The following POU6F2 variants were observed in gnomAD, a reference collection of about 807,000 sequenced individuals.
POU6F2 encodes the protein POU domain, class 6, transcription factor 2.
Under a neutral mutation model 71.3 loss-of-function variants are expected in POU6F2, and 31 were observed. The observed-to-expected ratio is 0.43, with a 90% CI of 0.33 to 0.59. The LOEUF (loss-of-function observed/expected upper bound fraction) is 0.59. Ranked by LOEUF, POU6F2 falls within the 20% of genes least tolerant of loss-of-function variation. The pLI, the probability that POU6F2 is intolerant of heterozygous loss-of-function variation, is 0.04. For missense variants in POU6F2, 783 were observed against 856.8 expected (o/e 0.91, Z 1.07); for synonymous variants, 347 against 355.7 (o/e 0.98, Z 0.27).
intron 1 of POU6F2, among the ~76,000 whole-genome samples, chr7:38,988,078 C>T (rs537307889): frequency 2.6e-4 from 40 of 152,182 alleles, no homozygotes; most frequent in African/African-American, 8.4e-4. Context: ...AACCCCACAG[C>T]TTTAGAAGTA....
intron 7 of POU6F2, 31 bp from the exon 8 acceptor site, chr7:39,451,502 T>G: frequency 6.3e-7 from 1 of 1,576,650 alleles, no homozygotes; most frequent in Non-Finnish European, 8.7e-7. Flanking sequence ...TTTCATTCAT[T>G]TGTGTATTTT....
chr7:39,298,865 A>G (rs1784901042), intron 4 of POU6F2, among the ~76,000 whole-genome samples: 1 of 152,208 alleles, frequency 6.6e-6, no homozygotes, highest in South Asian at 2.1e-4. Context: ...AGGGACATGG[A>G]TGAAGCTGGA....
rs546912876 is a variant in POU6F2 at position 39,004,876 on chromosome 7, C to A, written c.105+26818C>A. 3.9e-5 allele frequency among the ~76,000 whole-genome samples: 6 copies of A among 152,232 alleles called. No homozygotes were observed. In the South Asian group the frequency reaches 1.0e-3, roughly 26 times the overall value. On this transcript the variant is annotated intron_variant, in intron 1 of 9. Coordinates refer to ENST00000518318, the MANE Select transcript of POU6F2 (RefSeq NM_001370959.1). Reference sequence around the variant, plus strand: ...CCGCCCTGATTTGCTATAGGACTTGCCCTTTCCTGAGGATTCTAACATGTG... The same window carrying A: ...CCGCCCTGATTTGCTATAGGACTTGACCTTTCCTGAGGATTCTAACATGTG...
chr7:39,407,799 A>G (rs1787468727), intron 6 of POU6F2, among the ~76,000 whole-genome samples: 1 of 152,174 alleles, frequency 6.6e-6, no homozygotes. Flanking sequence ...CATTCCAGGG[A>G]AAAAAAGCTG....
intron 1 of POU6F2, among the ~76,000 whole-genome samples, chr7:39,021,512 A>G (rs17171520): frequency 0.2 from 30,899 of 151,934 alleles, 3,440 homozygotes; most frequent in South Asian, 0.36. Flanking sequence ...TCCATAATGT[A>G]TTAAAAAATA....
intron 7 of POU6F2, among the ~76,000 whole-genome samples, chr7:39,437,419 A>G (rs1319323094): frequency 6.6e-6 from 1 of 152,146 alleles, no homozygotes; most frequent in Non-Finnish European, 1.5e-5. Context: ...AGAGATGTTT[A>G]TAGTGTTACC....
At position 39,193,692 on chromosome 7, in the gene POU6F2, A is replaced by G. The variant is rs73365599; in HGVS notation, c.278-10543A>G. 8.9e-3 allele frequency among the ~76,000 whole-genome samples: 1,358 copies of G among 152,332 alleles called. 16 individuals carry two copies. Among genetic ancestry groups the G allele is most frequent in the African/African-American group, 0.031 (1,308 of 41,566 alleles). On this transcript the variant is annotated intron_variant, in intron 2 of 9. Transcript: ENST00000518318. ...AAATACTGAGTATAGTGGCTGGCAC[A>G]TGGTAAGTATTGAGTCGATGGCAGC...
intron 4 of POU6F2, among the ~76,000 whole-genome samples, chr7:39,246,615 C>T (rs1454504001): frequency 1.3e-5 from 2 of 152,106 alleles, no homozygotes; most frequent in Non-Finnish European, 2.9e-5. Flanking sequence ...CTAACTATCC[C>T]ATGAAATTGA....
chr7:39,239,744 A>G (rs539519125), intron 4 of POU6F2, among the ~76,000 whole-genome samples: 98 of 139,672 alleles, frequency 7.0e-4, no homozygotes, highest in African/African-American at 2.9e-3. Flanking sequence ...TTCTGCTCCC[A>G]CTCCAAGGAA....
At chr7:39,250,636 G>C (rs150716537) in intron 4 of POU6F2, among the ~76,000 whole-genome samples, 5 of 152,158 alleles carry the variant, frequency 3.3e-5, no homozygotes, top group African/African-American at 1.2e-4. Context: ...AGAGAGGAGA[G>C]TATAATCCTA....
rs146400930 is a variant in POU6F2 at position 39,248,798 on chromosome 7, A to C, written c.598+41178A>C. 1.2e-3 allele frequency among the ~76,000 whole-genome samples: 178 copies of C among 152,334 alleles called. 1 individual carries two copies. Among genetic ancestry groups the C allele is most frequent in the African/African-American group, 3.9e-3 (162 of 41,572 alleles). On this transcript the variant is annotated intron_variant, in intron 4 of 9. Coordinates refer to ENST00000518318, the MANE Select transcript of POU6F2 (RefSeq NM_001370959.1). ...CATTGTCCCAGAGTAGTTACGTGTC[A>C]CGTGGGTGGTAGAGACAGGTTAGCC...
intron 2 of POU6F2, among the ~76,000 whole-genome samples, chr7:39,177,816 T>C (rs549316263): frequency 1.3e-5 from 2 of 152,372 alleles, no homozygotes; most frequent in South Asian, 4.1e-4. Flanking sequence ...ATTATATTGA[T>C]GCTACATTTT....
At chr7:39,170,199 C>T (rs1042551684) in intron 2 of POU6F2, among the ~76,000 whole-genome samples, 1 of 152,084 alleles carries the variant, frequency 6.6e-6, no homozygotes, top group Non-Finnish European at 1.5e-5. Context: ...AAATTGTATT[C>T]GTTGTTTTTG....
chr7:39,113,180 C>G (rs879776951), intron 2 of POU6F2, among the ~76,000 whole-genome samples: 1 of 152,142 alleles, frequency 6.6e-6, no homozygotes, highest in South Asian at 2.1e-4. Context: ...GAATGTATCA[C>G]CATTGCCTGC....
rs1430123516 is a variant in POU6F2 at position 39,146,382 on chromosome 7, G to T, written c.278-57853G>T. On this transcript the variant is annotated intron_variant, in intron 2 of 9. Transcript: ENST00000518318. ...GCAGGGTGAGGAACTAGGCCAGAGG[G>T]TAGGTGGGGCAGCTCAGGAAACCTC... Among the ~76,000 whole-genome samples the T allele has an allele frequency of 2.0e-5, 3 of 152,202 alleles. No individual in the cohort carries two copies. The East Asian group carries it at 5.8e-4, about 29-fold the overall frequency.
At chr7:39,066,038 A>G (rs1406112632) in intron 1 of POU6F2, among the ~76,000 whole-genome samples, 3 of 151,846 alleles carry the variant, frequency 2.0e-5, no homozygotes, top group African/African-American at 4.8e-5. Flanking sequence ...AAAATACTCA[A>G]TAAGATATTC....
chr7:39,349,009 C>T (rs1342617663), intron 5 of POU6F2, among the ~76,000 whole-genome samples: 1 of 152,192 alleles, frequency 6.6e-6, no homozygotes, highest in Non-Finnish European at 1.5e-5. Flanking sequence ...TCAGGAACCA[C>T]TGCTCTAAAG....
At chr7:39,394,321 G>T (rs764884431) in intron 5 of POU6F2, among the ~76,000 whole-genome samples, 3 of 152,080 alleles carry the variant, frequency 2.0e-5, no homozygotes, top group Admixed American at 2.0e-4. Context: ...GCAGTTTAGC[G>T]TTCCCTTTAT....
chr7:39,418,987 G>GTA (rs1195793282), intron 6 of POU6F2, among the ~76,000 whole-genome samples: 7 of 133,986 alleles, frequency 5.2e-5, no homozygotes, highest in African/African-American at 2.1e-4. Context: ...ATATATATGT[G>GTA]TATATATGTG....
Sources: allele counts gnomAD v4.1 joint callset (sites outside exome capture counted in the v4.1 genomes callset), GRCh38; gene constraint gnomAD v4.1.1; transcripts MANE v1.5; gene names NCBI Gene and HGNC (gene_info 2026-07-23, HGNC 2026-07-21).